GANC: variants seen among roughly 807,000 people sequenced by gnomAD.
GANC encodes the protein glucosidase alpha, neutral C.
Under a neutral mutation model 124.2 loss-of-function variants are expected in GANC, and 117 were observed. That is an observed-to-expected ratio of 0.94 (90% CI 0.81 to 1.10). GANC has a LOEUF of 1.10. Among genes scored for constraint, GANC ranks in the 50% least tolerant of loss-of-function variants. GANC has a pLI of 0.00. For synonymous variants in GANC, 377 were observed against 376.8 expected, an observed-to-expected ratio of 1.00 and a Z score of -0.01; for missense variants, 1,140 against 1,095.0, an observed-to-expected ratio of 1.04 and a Z score of -0.58.
intron 3 of GANC, 126 bp from the exon 4 acceptor site, chr15:42,287,565 C>A: frequency 1.1e-6 from 1 of 911,642 alleles, no homozygotes; most frequent in Non-Finnish European, 1.6e-6. Flanking sequence ...TTTTAATTGC[C>A]ATTGTTCTCC....
intron 6 of GANC, among the ~76,000 whole-genome samples, chr15:42,305,986 T>C (rs2051991534): frequency 6.6e-6 from 1 of 151,106 alleles, no homozygotes; most frequent in Non-Finnish European, 1.5e-5. Context: ...GAGTAATACC[T>C]AATGTAGATG....
intron 15 of GANC, among the ~76,000 whole-genome samples, chr15:42,331,936 T>C (rs923486111): frequency 6.6e-6 from 1 of 152,200 alleles, no homozygotes; most frequent in Non-Finnish European, 1.5e-5. Flanking sequence ...TGTATTGATA[T>C]GTATTAGATG....
rs1018111913 is a variant in GANC at position 42,334,343 on chromosome 15, G to A, written c.1741+3671G>A. ...CACCTGGCTAACTTTTACATTTTTA[G>A]TAGAGACAGGGTTTCACCATGTTGG... is the stretch of plus-strand genomic sequence containing the variant. On this transcript the variant is annotated intron_variant, in intron 15 of 23. Coordinates refer to ENST00000318010, the MANE Select transcript of GANC (RefSeq NM_198141.3). Among the ~76,000 whole-genome samples the A allele has an allele frequency of 3.9e-5, 6 of 152,144 alleles. No individual in the cohort carries two copies. In the Middle Eastern group the frequency reaches 0.014, roughly 345 times the overall value.
In GANC at chr15:42,299,940, A is replaced by T. The variant is rs2051929961; in HGVS notation, c.558+2284A>T. Among the ~76,000 whole-genome samples the T allele has an allele frequency of 3.9e-5, 6 of 152,176 alleles. No individual in the cohort carries two copies. The South Asian group carries it at 1.0e-3, about 26-fold the overall frequency. ...AGAAAACTGAAACTGGATCCCTTCC[A>T]TATGCCTTATACAAAAATTAACTCA... On this transcript the variant is annotated intron_variant, in intron 6 of 23. Transcript: ENST00000318010.
chr15:42,318,423 T>A (rs1156856485), intron 10 of GANC, among the ~76,000 whole-genome samples: 4 of 152,242 alleles, frequency 2.6e-5, no homozygotes, highest in African/African-American at 9.6e-5. Context: ...TTGAAGGCAT[T>A]TCTTTTACTG....
At chr15:42,316,213 A>G (rs548762078) in intron 10 of GANC, among the ~76,000 whole-genome samples, 38 of 152,264 alleles carry the variant, frequency 2.5e-4, no homozygotes, top group African/African-American at 8.9e-4. Flanking sequence ...TATGGGGCTT[A>G]GTGGGTGTTG....
At chr15:42,284,129 G>A (rs1566949419) in intron 3 of GANC, 1 of 612,238 alleles carries the variant, frequency 1.6e-6, no homozygotes, top group Non-Finnish European at 2.9e-6. Context: ...TGGTGCCTCA[G>A]GAAAAGCAAG....
intron 13 of GANC, among the ~76,000 whole-genome samples, chr15:42,328,249 G>A (rs1276403377): frequency 6.6e-6 from 1 of 152,172 alleles, no homozygotes; most frequent in South Asian, 2.1e-4. Flanking sequence ...GGATAGACAA[G>A]CGTTGGGCCA....
chr15:42,284,115 G>A, intron 3 of GANC: 1 of 619,926 alleles, frequency 1.6e-6, no homozygotes, highest in Admixed American at 2.6e-5. Context: ...ACAGTGAAGA[G>A]TCCTGGTGCC....
intron 13 of GANC, 134 bp downstream of exon 13, chr15:42,327,576 G>A: frequency 1.4e-6 from 1 of 710,468 alleles, no homozygotes; most frequent in Middle Eastern, 3.7e-4. Context: ...GGCAAGTATG[G>A]CCACCACATT....
chr15:42,347,998 C>T (rs1363311897), intron 20 of GANC, 105 bp from the exon 21 acceptor site: 1 of 633,686 alleles, frequency 1.6e-6, no homozygotes, highest in Non-Finnish European at 2.5e-6. Flanking sequence ...GCCTACAAAT[C>T]CGTACTTGTA....
At chr15:42,296,850 CTTT>C (rs774454911) in intron 5 of GANC, among the ~76,000 whole-genome samples, 2 of 134,458 alleles carry the variant, frequency 1.5e-5, no homozygotes. Context: ...TTTCTTTTTC[CTTT>C]TTTTTTTTTT....
At chr15:42,285,745 A>G (rs2051780833) in intron 3 of GANC, among the ~76,000 whole-genome samples, 1 of 152,186 alleles carries the variant, frequency 6.6e-6, no homozygotes, top group African/African-American at 2.4e-5. Flanking sequence ...CAGTGAGCCA[A>G]GATTGCGCCA....
At chr15:42,345,090 C>T (rs1421567131) in intron 19 of GANC, among the ~76,000 whole-genome samples, 2 of 152,116 alleles carry the variant, frequency 1.3e-5, no homozygotes, top group Admixed American at 6.5e-5. Flanking sequence ...TGTTTGCTTT[C>T]ATTCTGCTTC....
chr15:42,287,814 G>A lies in GANC; in HGVS notation c.325G>A (p.Val109Ile), dbSNP rs149261745. The A allele has an allele frequency of 9.9e-6, 16 of 1,610,368 alleles. No individual in the cohort carries two copies. In the African/African-American group the frequency reaches 1.9e-4, roughly 19 times the overall value. ...PDVLTSKPST[V>I]RLISCSGDTG... is the part of the protein sequence containing the mutation. ...TGTCCTCACAAGCAAGCCAAGCACT[G>A]TAAGGTAAGCCAAGGAGCGAGGTAT... The change falls in exon 4 of 24, where the codon GTA becomes ATA. Residue 109 changes from valine to isoleucine, a missense_variant. Coordinates refer to ENST00000318010, the MANE Select transcript of GANC (RefSeq NM_198141.3).
Position 42,350,860 on chromosome 15 carries a change from G to A in GANC, c.2532-469G>A, listed in dbSNP as rs529145545. The stretch of plus-strand genomic sequence containing the variant: ...CATGAGCCACCATGCCCAGCGAGTC[G>A]TCTTTTATTATTATTATTATTATTA... On this transcript the variant is annotated intron_variant, in intron 22 of 23. Coordinates refer to ENST00000318010, the MANE Select transcript of GANC (RefSeq NM_198141.3). 3.0e-3 allele frequency among the ~76,000 whole-genome samples: 405 copies of A among 136,990 alleles called. 1 individual carries two copies. The highest frequency in any genetic ancestry group is 0.011 in the African/African-American group (390 of 35,950). 89.9% of individuals were successfully genotyped at this position (136,990 alleles called of 152,430 possible). A position where few individuals can be genotyped will look rare whatever the true frequency, so the allele number is the denominator to read the frequency against.
chr15:42,317,236 T>C (rs369479345), intron 10 of GANC, among the ~76,000 whole-genome samples: 4 of 152,088 alleles, frequency 2.6e-5, no homozygotes, highest in African/African-American at 9.7e-5. Flanking sequence ...TATTCAGCTA[T>C]AAAAAGAAAT....
chr15:42,283,608 C>G (rs1262350408), intron 3 of GANC: 1 of 700,500 alleles, frequency 1.4e-6, no homozygotes, highest in African/African-American at 1.7e-5. Context: ...TTTTCTTTTG[C>G]AGCCTGTTTG....
chr15:42,281,200 A>C, intron 3 of GANC: 1 of 671,932 alleles, frequency 1.5e-6, no homozygotes, highest in Non-Finnish European at 2.7e-6. Context: ...GTATGCAAAT[A>C]CATATTTCGG....
Sources: allele counts gnomAD v4.1 joint callset (sites outside exome capture counted in the v4.1 genomes callset), GRCh38; gene constraint gnomAD v4.1.1; transcripts MANE v1.5; gene names NCBI Gene and HGNC (gene_info 2026-07-23, HGNC 2026-07-21).